Variants in ST7 observed in about 807,000 individuals in gnomAD.
ST7 encodes suppression of tumorigenicity 7.
In ST7, 28 loss-of-function variants were observed where a neutral mutation model predicts 78.7. That is an observed-to-expected ratio of 0.36 (90% CI 0.26 to 0.49). The LOEUF is 0.49. ST7 is among the 20% of genes least tolerant of loss of function. The probability of loss-of-function intolerance (pLI) is 0.99; values close to 1 mark genes in which losing one functional copy is unlikely to be tolerated. For missense variants in ST7, 418 were observed against 696.0 expected (o/e 0.60, Z 4.49); for synonymous variants, 247 against 249.6 (o/e 0.99, Z 0.10).
chr7:117,183,601 A>G (rs1325246787), intron 10 of ST7, among the ~76,000 whole-genome samples: 1 of 152,124 alleles, frequency 6.6e-6, no homozygotes, highest in Non-Finnish European at 1.5e-5. Flanking sequence ...CTTCTAGCCA[A>G]TAACTGCCCT....
chr7:117,204,881 T>A (rs1791592442), intron 12 of ST7, among the ~76,000 whole-genome samples: 1 of 152,146 alleles, frequency 6.6e-6, no homozygotes, highest in Non-Finnish European at 1.5e-5. Context: ...TATACTTACA[T>A]ACATATAGAG....
intron 3 of ST7, among the ~76,000 whole-genome samples, chr7:117,120,506 C>A (rs1803281321): frequency 6.6e-6 from 1 of 152,214 alleles, no homozygotes; most frequent in South Asian, 2.1e-4. Context: ...CTGTCACAAT[C>A]CAGTCCCTTT....
At chr7:116,959,376 T>A in intron 1 of ST7, 1 of 398,360 alleles carries the variant, frequency 2.5e-6, no homozygotes, top group Admixed American at 3.2e-5. Context: ...TATATGTGGG[T>A]CAGTGTTTGT....
At chr7:117,189,478 C>T in intron 11 of ST7, 85 bp downstream of exon 11, 1 of 1,106,040 alleles carries the variant, frequency 9.0e-7, no homozygotes. Flanking sequence ...GGAAGTTTCT[C>T]TTAGGCTATG....
In ST7 at chr7:117,148,460, A is replaced by G. The variant is rs1046433957; in HGVS notation, c.963+9928A>G. ...GTCTTTATTCAAATCTGAGGGTTTT[A>G]TACTTTTGATTGCTATGTTTATCCC... On this transcript the variant is annotated intron_variant, in intron 9 of 15. Transcript: ENST00000323984. Among the ~76,000 whole-genome samples the G allele has an allele frequency of 2.0e-5, 3 of 152,150 alleles. 1 individual carries two copies. The highest frequency in any genetic ancestry group is 4.1e-4 in the South Asian group (2 of 4,834).
intron 9 of ST7, among the ~76,000 whole-genome samples, chr7:117,139,981 A>T (rs901353882): frequency 6.6e-6 from 1 of 152,190 alleles, no homozygotes. Context: ...TCAGCTTTTA[A>T]ACAGAGTTTT....
At chr7:117,064,794 AC>A (rs1438511623) in intron 1 of ST7, among the ~76,000 whole-genome samples, 1 of 152,176 alleles carries the variant, frequency 6.6e-6, no homozygotes, top group East Asian at 1.9e-4. Flanking sequence ...GAGAGGATTC[AC>A]CTGCAAAAAT....
At chr7:117,195,737 C>T (rs901309743) in intron 12 of ST7, among the ~76,000 whole-genome samples, 1 of 152,120 alleles carries the variant, frequency 6.6e-6, no homozygotes. Context: ...TCAGTTACCT[C>T]CCACCAGGTC....
chr7:116,969,967 C>T lies in ST7; in HGVS notation c.151+16276C>T, dbSNP rs1364682147. On this transcript the variant is annotated intron_variant, in intron 1 of 15. Coordinates refer to ENST00000323984, the MANE Select transcript of ST7 (RefSeq NM_001369598.1). The stretch of plus-strand genomic sequence containing the variant: ...GTGCATGCCTGTAATCTCAGCTACT[C>T]GGGAGACTGAGGCAGGAGAATCGTT... 3.3e-5 allele frequency among the ~76,000 whole-genome samples: 5 copies of T among 152,150 alleles called. No individual in the cohort carries two copies. In the East Asian group the frequency reaches 5.8e-4, roughly 18 times the overall value.
At chr7:117,115,332 GA>G (rs1802775521) in intron 2 of ST7, among the ~76,000 whole-genome samples, 1 of 150,516 alleles carries the variant, frequency 6.6e-6, no homozygotes, top group Non-Finnish European at 1.5e-5. Context: ...CTTAGAGCAA[GA>G]AGTGAGAAGT....
chr7:117,143,684 C>A (rs552287151), intron 9 of ST7, among the ~76,000 whole-genome samples: 1 of 152,120 alleles, frequency 6.6e-6, no homozygotes, highest in Middle Eastern at 3.2e-3. Context: ...CTACAACCAC[C>A]TGTATCAGAA....
At chr7:117,169,786 A>G (rs963580450) in intron 9 of ST7, among the ~76,000 whole-genome samples, 3 of 150,630 alleles carry the variant, frequency 2.0e-5, no homozygotes, top group Admixed American at 6.6e-5. Flanking sequence ...TTAGGCCCTC[A>G]AGACAGCCTT....
intron 1 of ST7, among the ~76,000 whole-genome samples, chr7:117,000,855 G>A (rs1368087557): frequency 6.6e-6 from 1 of 152,266 alleles, no homozygotes; most frequent in East Asian, 1.9e-4. Context: ...AAGTATTGCT[G>A]GATCTTTTTG....
rs202011606 is a variant in ST7, at chr7:117,090,256, C to G, written c.152-9506C>G. On this transcript the variant is annotated intron_variant, in intron 1 of 15. Transcript: ENST00000323984. Reference sequence around the variant, plus strand: ...ATAGAAACACACACACACACACAGACACACACACACACACACACACACGGC... The same window carrying G: ...ATAGAAACACACACACACACACAGAGACACACACACACACACACACACGGC... Among the ~76,000 whole-genome samples the G allele has an allele frequency of 8.4e-4, 50 of 59,842 alleles. 1 individual carries two copies. The highest frequency in any genetic ancestry group is 0.012 in the Middle Eastern group (1 of 86). 39.3% of individuals were successfully genotyped at this position (59,842 alleles called of 152,430 possible).
At position 116,972,763 on chromosome 7, in the gene ST7, G is replaced by T; in HGVS notation, c.151+19072G>T. 5 of 925,362 alleles carry T rather than the reference G, an allele frequency of 5.4e-6. No individual in the cohort carries two copies. The South Asian group carries it at 6.5e-5, about 12-fold the overall frequency. The allele number at this position is 925,362 out of a possible 1,614,324, so 57.3% of individuals were successfully genotyped here. A position where few individuals can be genotyped will look rare whatever the true frequency, so the allele number is the denominator to read the frequency against. ...CAGCTGGATCCTACGGTTCAAGGAG[G>T]CCACCTCAGCCTCAGCCTGTTCCTG... On this transcript the variant is annotated intron_variant, in intron 1 of 15. Transcript: ENST00000323984.
chr7:117,094,897 G>A (rs1053345077), intron 1 of ST7, among the ~76,000 whole-genome samples: 1 of 151,946 alleles, frequency 6.6e-6, no homozygotes, highest in South Asian at 2.1e-4. Context: ...AATTATTGCT[G>A]ATTATTATCT....
chr7:117,218,826 G>A (rs1420004134), intron 13 of ST7, among the ~76,000 whole-genome samples: 1 of 152,154 alleles, frequency 6.6e-6, no homozygotes, highest in Non-Finnish European at 1.5e-5. Flanking sequence ...GATACTGATG[G>A]CTTCCCAACC....
intron 1 of ST7, among the ~76,000 whole-genome samples, chr7:117,033,771 C>T (rs1180520303): frequency 6.6e-6 from 1 of 152,066 alleles, no homozygotes; most frequent in Non-Finnish European, 1.5e-5. Flanking sequence ...ATGGAGGGAG[C>T]ATCTCTTCTG....
At chr7:117,049,070 T>C (rs983845287) in intron 1 of ST7, among the ~76,000 whole-genome samples, 1 of 152,202 alleles carries the variant, frequency 6.6e-6, no homozygotes, top group Non-Finnish European at 1.5e-5. Context: ...CCAGGCCTTC[T>C]TGTTGTAAAG....
Sources: gnomAD v4.1 joint callset for allele counts (sites outside exome capture counted in the v4.1 genomes callset) on GRCh38, gnomAD v4.1.1 for gene constraint, MANE v1.5 for transcripts, NCBI Gene and HGNC (gene_info 2026-07-23, HGNC 2026-07-21) for gene names.